Variants in BPNT1 observed in about 807,000 individuals in gnomAD.
BPNT1 encodes 3'(2'), 5'-bisphosphate nucleotidase 1.
A neutral mutation model predicts 36.9 loss-of-function variants in BPNT1; 28 were observed. The observed-to-expected ratio is 0.76, with a 90% confidence interval of 0.56 to 1.04. The LOEUF (loss-of-function observed/expected upper bound fraction) is 1.04. BPNT1 is among the 50% of genes least tolerant of loss of function. BPNT1 has a pLI of 0.00. For synonymous variants in BPNT1, 119 were observed against 130.9 expected (o/e 0.91, Z 0.62); for missense variants, 313 against 372.9 (o/e 0.84, Z 1.32).
intron 1 of BPNT1, among the ~76,000 whole-genome samples, chr1:220,087,999 TC>T (rs972927639): frequency 1.3e-5 from 2 of 151,986 alleles, no homozygotes; most frequent in African/African-American, 2.4e-5. Context: ...TGCCTCAGCC[TC>T]CCGAGTAGCT....
At chr1:220,080,988 G>A (rs540686465) in intron 1 of BPNT1, among the ~76,000 whole-genome samples, 3 of 152,258 alleles carry the variant, frequency 2.0e-5, no homozygotes, top group South Asian at 2.1e-4. Flanking sequence ...TTTTTGAGAC[G>A]GAGTCTCGCT....
chr1:220,086,429 G>A (rs963835026), intron 1 of BPNT1, among the ~76,000 whole-genome samples: 8 of 151,818 alleles, frequency 5.3e-5, no homozygotes, highest in Non-Finnish European at 1.0e-4. Context: ...GCATCACCAC[G>A]CCTGGCTAAT....
intron 1 of BPNT1, among the ~76,000 whole-genome samples, chr1:220,083,158 A>G (rs1655358266): frequency 1.3e-5 from 2 of 150,028 alleles, no homozygotes; most frequent in African/African-American, 2.4e-5. Flanking sequence ...AATCACATGA[A>G]CCCAGGAGGT....
At chr1:220,076,884 T>A (rs897800599) in intron 2 of BPNT1, among the ~76,000 whole-genome samples, 2 of 152,158 alleles carry the variant, frequency 1.3e-5, no homozygotes, top group African/African-American at 4.8e-5. Flanking sequence ...ATTCCTGTTA[T>A]ATCCTGTTGG....
intron 1 of BPNT1, among the ~76,000 whole-genome samples, chr1:220,089,467 T>C (rs2102803996): frequency 6.6e-6 from 1 of 152,350 alleles, no homozygotes; most frequent in Admixed American, 6.5e-5. Flanking sequence ...TCTAGGTTTG[T>C]CTTGTTTCTA....
chr1:220,059,370 T>C (rs1308144281), intron 8 of BPNT1, among the ~76,000 whole-genome samples: 1 of 148,664 alleles, frequency 6.7e-6, no homozygotes, highest in Non-Finnish European at 1.5e-5. Context: ...TGAGCCATGA[T>C]TGCACCACTG....
At chr1:220,074,241 T>C (rs1664342554) in intron 2 of BPNT1, among the ~76,000 whole-genome samples, 170 bp from the exon 3 acceptor site, 1 of 152,218 alleles carries the variant, frequency 6.6e-6, no homozygotes, top group African/African-American at 2.4e-5. Context: ...CTCAAAGGAT[T>C]AATAGTGGGT....
At chr1:220,082,062 C>CT (rs1655176503) in intron 1 of BPNT1, among the ~76,000 whole-genome samples, 2 of 57,502 alleles carry the variant, frequency 3.5e-5, no homozygotes, top group African/African-American at 7.9e-5. Flanking sequence ...GTTCCAAGGA[C>CT]AATATATATA....
rs1345583045 is a variant in BPNT1, at chr1:220,079,762, C to T, written c.85G>A (p.Val29Ile). Residue 29 changes from valine (V) to isoleucine (I), a missense_variant, in exon 2 of 9, where the codon GTT becomes ATT. Coordinates refer to ENST00000322067, the MANE Select transcript of BPNT1 (RefSeq NM_006085.6). ...ATACCCAGGTCTCCTTCAGCAATAA[C>T]ACGTCTGACTATCATTCCTGCCTTT... Reference protein sequence around the residue: ...AQKAGMIVRRVIAEGDLGIVE... With the variant: ...AQKAGMIVRRIIAEGDLGIVE... 4 of 1,614,134 alleles carry T rather than the reference C, an allele frequency of 2.5e-6. No homozygotes were observed. The highest frequency in any genetic ancestry group is 4.5e-5 in the East Asian group (2 of 44,870).
intron 6 of BPNT1, among the ~76,000 whole-genome samples, chr1:220,064,491 C>T (rs372753612): frequency 5.6e-4 from 86 of 152,280 alleles, no homozygotes; most frequent in Middle Eastern, 6.8e-3. Flanking sequence ...GCTGACCCTA[C>T]GGGGAGCTGT....
At chr1:220,082,490 T>C (rs1025918258) in intron 1 of BPNT1, among the ~76,000 whole-genome samples, 2 of 151,992 alleles carry the variant, frequency 1.3e-5, no homozygotes, top group Admixed American at 6.6e-5. Flanking sequence ...CCTGGGACTA[T>C]AGAGAACATT....
chr1:220,066,259 A>G (rs1571742630), intron 6 of BPNT1: 2 of 495,506 alleles, frequency 4.0e-6, no homozygotes, highest in Middle Eastern at 1.1e-3. Flanking sequence ...TTTGAAAGTA[A>G]TAGTATTAAC....
chr1:220,077,878 A>C (rs2102725054), intron 2 of BPNT1, among the ~76,000 whole-genome samples: 1 of 152,208 alleles, frequency 6.6e-6, no homozygotes, highest in Non-Finnish European at 1.5e-5. Context: ...ATAAAGAAAG[A>C]TTTAGGCGAA....
At position 220,062,946 on chromosome 1, in the gene BPNT1, T is replaced by G. The variant is rs757555550; in HGVS notation, c.483A>C (p.Pro161=). ...NQPYYNYEAG[P]DAVLGRTIWG... ...AGATTGTCCTCCCCAACACAGCATC[T>G]GGTCCTGCCTGTGTAAACGAGTGAA... The change falls in exon 7 of 9, where the codon CCA becomes CCC. Residue 161 remains proline, a synonymous_variant. Transcript: ENST00000322067. 11 of 1,614,048 alleles carry G rather than the reference T, an allele frequency of 6.8e-6. No homozygotes were observed. Among genetic ancestry groups the G allele is most frequent in the Non-Finnish European group, 9.3e-6 (11 of 1,180,022 alleles).
At chr1:220,067,596 T>G (rs1337609871) in intron 5 of BPNT1, among the ~76,000 whole-genome samples, 1 of 152,184 alleles carries the variant, frequency 6.6e-6, no homozygotes, top group Non-Finnish European at 1.5e-5. Context: ...TTAATTGAAT[T>G]GGCTATCATG....
intron 2 of BPNT1, among the ~76,000 whole-genome samples, chr1:220,075,083 G>A (rs915344575): frequency 3.3e-5 from 5 of 152,026 alleles, no homozygotes; most frequent in South Asian, 2.1e-4. Context: ...TCACTCTGTC[G>A]CCTAGGCTGG....
intron 5 of BPNT1, 52 bp downstream of exon 5, chr1:220,069,332 A>T: frequency 7.3e-7 from 1 of 1,363,144 alleles, no homozygotes; most frequent in Non-Finnish European, 1.0e-6. Context: ...TACAACTAAC[A>T]TCATATCCTT....
rs769035444 is a variant in BPNT1 at position 220,067,453 on chromosome 1, T to C, written c.383-60A>G. 13 of 1,140,928 alleles carry C rather than the reference T, an allele frequency of 1.1e-5. No homozygotes were observed. In the Admixed American group the frequency reaches 1.9e-4, roughly 17 times the overall value. 70.7% of individuals were successfully genotyped at this position (1,140,928 alleles called of 1,614,324 possible). On this transcript the variant is annotated intron_variant, in intron 5 of 8. Transcript: ENST00000322067. ...TGCTCATATTATGACTCATCATTACTACATCAATTGCTCCAAGTTAGTTTT... is the reference window on the plus strand; with the variant it reads ...TGCTCATATTATGACTCATCATTACCACATCAATTGCTCCAAGTTAGTTTT...
chr1:220,086,899 G>A (rs933144404), intron 1 of BPNT1, among the ~76,000 whole-genome samples: 2 of 150,144 alleles, frequency 1.3e-5, no homozygotes, highest in Admixed American at 1.3e-4. Context: ...AAAAAAAAAT[G>A]AGCCGGGCAT....
Sources: allele counts gnomAD v4.1 joint callset (sites outside exome capture counted in the v4.1 genomes callset), GRCh38; gene constraint gnomAD v4.1.1; transcripts MANE v1.5; gene names NCBI Gene and HGNC (gene_info 2026-07-23, HGNC 2026-07-21).